EPB41L2: variants seen among roughly 807,000 people sequenced by gnomAD.
EPB41L2 encodes the protein band 4.1-like protein 2.
EPB41L2 carries 43 observed loss-of-function variants against 113.0 expected under a neutral mutation model. The observed-to-expected ratio is 0.38, with a 90% CI of 0.30 to 0.49. EPB41L2 has a LOEUF of 0.49. Among genes scored for constraint, EPB41L2 ranks in the 20% least tolerant of loss-of-function variants. The pLI, the probability that EPB41L2 is intolerant of heterozygous loss-of-function variation, is 0.95. For missense variants in EPB41L2, 1,147 were observed against 1,223.4 expected (o/e 0.94, Z 0.93); for synonymous variants, 442 against 436.7 (o/e 1.01, Z -0.15).
intron 1 of EPB41L2, among the ~76,000 whole-genome samples, chr6:130,973,525 G>A (rs186204807): frequency 2.5e-4 from 38 of 151,620 alleles, no homozygotes; most frequent in African/African-American, 8.5e-4. Flanking sequence ...TTGCCTTTGT[G>A]AAAGGAAAAT....
intron 14 of EPB41L2, chr6:130,876,837 C>G: frequency 1.9e-6 from 2 of 1,061,856 alleles, no homozygotes; most frequent in Non-Finnish European, 2.5e-6. Flanking sequence ...CCTATAGCAA[C>G]ACAAACACAA....
At chr6:130,926,402 A>G (rs1369195383) in intron 4 of EPB41L2, among the ~76,000 whole-genome samples, 1 of 152,238 alleles carries the variant, frequency 6.6e-6, no homozygotes, top group African/African-American at 2.4e-5. Flanking sequence ...ATATGCATGC[A>G]CACACACAAA....
intron 1 of EPB41L2, among the ~76,000 whole-genome samples, chr6:130,957,550 C>A (rs1817847165): frequency 6.6e-6 from 1 of 151,828 alleles, no homozygotes; most frequent in East Asian, 1.9e-4. Context: ...GTCACAGCTA[C>A]TTGGGAGTCT....
At chr6:130,944,110 T>G (rs1296046666) in intron 3 of EPB41L2, among the ~76,000 whole-genome samples, 1 of 150,522 alleles carries the variant, frequency 6.6e-6, no homozygotes, top group African/African-American at 2.4e-5. Flanking sequence ...AGGGCAATAA[T>G]GGACAGCAGT....
chr6:131,036,105 T>C (rs1377673637), intron 1 of EPB41L2, among the ~76,000 whole-genome samples: 1 of 152,208 alleles, frequency 6.6e-6, no homozygotes, highest in East Asian at 1.9e-4. Flanking sequence ...TTTTTCTATT[T>C]GTAATTTCAA....
intron 1 of EPB41L2, among the ~76,000 whole-genome samples, chr6:130,974,717 CTTTTTTTTTTTT>C (rs71030723): frequency 1.5e-5 from 1 of 64,642 alleles, no homozygotes; most frequent in African/African-American, 6.2e-5. Flanking sequence ...CTTTTCTTTT[CTTTTTTTTTTTT>C]TTTTTTTTTT....
chr6:130,954,113 C>G (rs1255385859), intron 3 of EPB41L2, among the ~76,000 whole-genome samples: 1 of 125,010 alleles, frequency 8.0e-6, no homozygotes, highest in Non-Finnish European at 1.6e-5. Flanking sequence ...AGTGCAGTGG[C>G]GCAATCTCAG....
At chr6:130,973,891 CT>C (rs1363095401) in intron 1 of EPB41L2, among the ~76,000 whole-genome samples, 1 of 152,126 alleles carries the variant, frequency 6.6e-6, no homozygotes. Context: ...CACTTTCAAC[CT>C]TTTTTCTGAA....
chr6:130,854,625 T>C (rs751321365), intron 19 of EPB41L2, among the ~76,000 whole-genome samples: 1 of 149,804 alleles, frequency 6.7e-6, no homozygotes, highest in Non-Finnish European at 1.5e-5. Flanking sequence ...CTAGTATTCC[T>C]GATTAAGAAG....
chr6:130,859,552 G>C (rs1781370790), intron 18 of EPB41L2, among the ~76,000 whole-genome samples: 1 of 148,462 alleles, frequency 6.7e-6, no homozygotes, highest in Admixed American at 6.7e-5. Flanking sequence ...CTAAAACAAA[G>C]AGAAAATTTT....
chr6:131,054,949 C>A (rs1797324806), intron 1 of EPB41L2, among the ~76,000 whole-genome samples: 1 of 152,228 alleles, frequency 6.6e-6, no homozygotes, highest in Non-Finnish European at 1.5e-5. Flanking sequence ...ACAAGAAACA[C>A]TGTGCTTTGG....
chr6:130,879,810 G>A (rs1788690051), intron 13 of EPB41L2, among the ~76,000 whole-genome samples: 1 of 152,196 alleles, frequency 6.6e-6, no homozygotes, highest in Admixed American at 6.5e-5. Context: ...GGATGAGATT[G>A]TGTTACCTCA....
At chr6:130,919,011 G>A (rs1802012266) in intron 4 of EPB41L2, among the ~76,000 whole-genome samples, 2 of 152,218 alleles carry the variant, frequency 1.3e-5, no homozygotes, top group South Asian at 2.1e-4. Context: ...GTCTACATAA[G>A]CAGATAGAAA....
intron 3 of EPB41L2, among the ~76,000 whole-genome samples, chr6:130,952,929 A>AT (rs902279940): frequency 1.6e-4 from 24 of 151,350 alleles, no homozygotes; most frequent in South Asian, 6.3e-4. Context: ...ATATTTTATG[A>AT]TTTTTTTTAA....
intron 3 of EPB41L2, among the ~76,000 whole-genome samples, chr6:130,938,741 C>G (rs368598788): frequency 6.6e-6 from 1 of 152,118 alleles, no homozygotes; most frequent in Admixed American, 6.5e-5. Flanking sequence ...AATTCGACCA[C>G]TAGATTCTTT....
chr6:130,937,432 G>GTGTA (rs1213604196), intron 3 of EPB41L2, among the ~76,000 whole-genome samples: 7 of 152,158 alleles, frequency 4.6e-5, no homozygotes, highest in Admixed American at 4.6e-4. Flanking sequence ...ACATCCCATG[G>GTGTA]TGTATATGTG....
Position 131,055,954 on chromosome 6 carries a change from G to A in EPB41L2, c.-15+7201C>T, listed in dbSNP as rs116393323. Among the ~76,000 whole-genome samples the A allele has an allele frequency of 7.3e-3, 1,114 of 152,208 alleles. 24 individuals are homozygous for A. Among genetic ancestry groups the A allele is most frequent in the African/African-American group, 0.026 (1,066 of 41,516 alleles). Reference sequence around the variant, plus strand: ...CTAGAACTGAGCATAAAATGCGTGCGTCAGGGACAGGTTAAGCAAAGCAGC... The same window carrying A: ...CTAGAACTGAGCATAAAATGCGTGCATCAGGGACAGGTTAAGCAAAGCAGC... On this transcript the variant is annotated intron_variant, in intron 1 of 19. Coordinates refer to ENST00000337057, the MANE Select transcript of EPB41L2 (RefSeq NM_001431.4).
At chr6:130,881,084 A>G (rs1289082799) in intron 12 of EPB41L2, 1 of 152,202 alleles carries the variant, frequency 6.6e-6, no homozygotes, top group Non-Finnish European at 1.5e-5. Context: ...ACATTTCTCA[A>G]TATCTGATGA....
chr6:130,863,233 T>C (rs1210477654), intron 18 of EPB41L2, among the ~76,000 whole-genome samples: 1 of 152,228 alleles, frequency 6.6e-6, no homozygotes, highest in Non-Finnish European at 1.5e-5. Flanking sequence ...TCTAATGCCA[T>C]AAATATACTT....
Sources: gnomAD v4.1 joint callset for allele counts (sites outside exome capture counted in the v4.1 genomes callset) on GRCh38, gnomAD v4.1.1 for gene constraint, MANE v1.5 for transcripts, NCBI Gene and HGNC (gene_info 2026-07-23, HGNC 2026-07-21) for gene names.